The following UNC13C variants were observed in gnomAD, a reference collection of about 807,000 sequenced individuals.
UNC13C encodes the protein protein unc-13 homolog C.
A neutral mutation model predicts 245.4 loss-of-function variants in UNC13C; 174 were observed. The observed-to-expected ratio is 0.71, with a 90% CI of 0.63 to 0.80. The LOEUF is 0.80. Among genes scored for constraint, UNC13C ranks in the 30% least tolerant of loss-of-function variants. The pLI is 0.00. For synonymous variants in UNC13C, 992 were observed against 895.1 expected, an observed-to-expected ratio of 1.11 and a Z score of -1.93; for missense variants, 2,829 against 2,602.9, an observed-to-expected ratio of 1.09 and a Z score of -1.89.
At position 54,322,092 on chromosome 15, in the gene UNC13C, T is replaced by C. The variant is rs2038177204; in HGVS notation, c.4422T>C (p.Phe1474=). 1.9e-6 allele frequency: 3 copies of C among 1,563,214 alleles called. No individual in the cohort carries two copies. Among genetic ancestry groups the C allele is most frequent in the Non-Finnish European group, 2.6e-6 (3 of 1,155,298 alleles). ...SASDRFAATN[F]GREKFIKLLD... Reference sequence around the variant, plus strand: ...CAGATCGATTTGCTGCTACCAACTTTGGTGTAAGTATAATTTTTTAAACTT... The same window carrying C: ...CAGATCGATTTGCTGCTACCAACTTCGGTGTAAGTATAATTTTTTAAACTT... Residue 1474 remains phenylalanine, a synonymous_variant, in exon 14 of 33, where the codon TTT becomes TTC. Transcript: ENST00000260323.
chr15:54,322,973 T>A (rs1292649851), intron 14 of UNC13C, among the ~76,000 whole-genome samples: 1 of 150,890 alleles, frequency 6.6e-6, no homozygotes, highest in Non-Finnish European at 1.5e-5. Flanking sequence ...GCAGTAGCGC[T>A]GTTCAGTAAT....
chr15:53,975,636 T>C (rs981717081), upstream of UNC13C, among the ~76,000 whole-genome samples: 1 of 152,158 alleles, frequency 6.6e-6, no homozygotes, highest in African/African-American at 2.4e-5. Context: ...CCCCTTTACT[T>C]GATTCTTTTG....
the UNC13C span, among the ~76,000 whole-genome samples, chr15:53,883,160 T>C: frequency 6.6e-6 from 1 of 152,240 alleles, no homozygotes; most frequent in Middle Eastern, 3.4e-3. Context: ...AATCAGCAAT[T>C]GAATTTTTTT....
At chr15:54,565,350 AAG>A (rs1267457097) in intron 29 of UNC13C, among the ~76,000 whole-genome samples, 2 of 151,972 alleles carry the variant, frequency 1.3e-5, no homozygotes, top group Non-Finnish European at 2.9e-5. Context: ...TATTAAAGAA[AAG>A]AGGGAGAAAA....
intron 17 of UNC13C, among the ~76,000 whole-genome samples, chr15:54,345,134 A>G (rs1219451373): frequency 6.6e-6 from 1 of 152,186 alleles, no homozygotes; most frequent in Non-Finnish European, 1.5e-5. Context: ...CTGGAGAGCC[A>G]ATGAAGAGTT....
chr15:53,986,560 T>A (rs538432877), intron 1 of UNC13C, among the ~76,000 whole-genome samples: 18 of 152,078 alleles, frequency 1.2e-4, no homozygotes, highest in Admixed American at 7.2e-4. Context: ...GTACAGAAGA[T>A]ATGAAAAAAT....
At chr15:54,197,462 C>CAAA (rs111328266) in intron 4 of UNC13C, among the ~76,000 whole-genome samples, 7 of 134,746 alleles carry the variant, frequency 5.2e-5, no homozygotes, top group African/African-American at 1.9e-4. Flanking sequence ...GACTCCATCT[C>CAAA]AAAAAAAAAA....
At chr15:54,462,576 G>C (rs1287095634) in intron 19 of UNC13C, among the ~76,000 whole-genome samples, 1 of 152,248 alleles carries the variant, frequency 6.6e-6, no homozygotes, top group African/African-American at 2.4e-5. Context: ...CGGCCCCGGG[G>C]AGTGAGGGGC....
At chr15:53,883,597 G>A in the UNC13C span, among the ~76,000 whole-genome samples, 3 of 152,216 alleles carry the variant, frequency 2.0e-5, no homozygotes, top group Non-Finnish European at 2.9e-5. Context: ...AATGACAGAT[G>A]TTGGTTCCTT....
chr15:54,413,453 G>T (rs2040454080), intron 18 of UNC13C, among the ~76,000 whole-genome samples: 1 of 152,010 alleles, frequency 6.6e-6, no homozygotes, highest in African/African-American at 2.4e-5. Context: ...TAGTATTTAT[G>T]CTCAAATGAA....
chr15:54,247,285 C>T lies in UNC13C; in HGVS notation c.3229-2940C>T, dbSNP rs142939823. ...TGCCATGCTTTTATTTAATGCTTCT[C>T]GCTCTTTTCACCTTATTCCACACAA... On this transcript the variant is annotated intron_variant, in intron 7 of 32. Transcript: ENST00000260323. Among the ~76,000 whole-genome samples, 454 of 152,154 alleles carry T rather than the reference C, an allele frequency of 3.0e-3. 3 individuals are homozygous for T. The highest frequency in any genetic ancestry group is 6.4e-3 in the East Asian group (33 of 5,164).
chr15:54,213,447 A>G (rs1003768707), intron 4 of UNC13C, among the ~76,000 whole-genome samples: 1 of 152,016 alleles, frequency 6.6e-6, no homozygotes. Flanking sequence ...TGTGTATTAT[A>G]AAAGGAATAA....
rs531569202 is a variant in UNC13C, at chr15:54,334,950, C to T, written c.4584+1094C>T. On this transcript the variant is annotated intron_variant, in intron 16 of 32. Transcript: ENST00000260323. ...AACTATTCTTCCCCAACCCTCACTA[C>T]CAGTTGATTACTTTGCTTCCTATTT... Among the ~76,000 whole-genome samples, 59 of 152,072 alleles carry T rather than the reference C, an allele frequency of 3.9e-4. No individual in the cohort carries two copies. The South Asian group carries it at 0.011, about 29-fold the overall frequency.
At chr15:54,140,171 G>A (rs2031946631) in intron 2 of UNC13C, among the ~76,000 whole-genome samples, 1 of 151,924 alleles carries the variant, frequency 6.6e-6, no homozygotes, top group Non-Finnish European at 1.5e-5. Flanking sequence ...ACTTAAAATT[G>A]GTAAAATTTC....
chr15:54,108,442 C>T lies in UNC13C; in HGVS notation c.2984-34576C>T, dbSNP rs142755337. Among the ~76,000 whole-genome samples, 970 of 152,242 alleles carry T rather than the reference C, an allele frequency of 6.4e-3. 15 individuals are homozygous for T. Among genetic ancestry groups the T allele is most frequent in the Non-Finnish European group, 7.1e-3 (485 of 68,022 alleles). ...GACCTCATGATCCGCCCGCTTTGGC[C>T]TCTCAAAGTGCTGGGATTACAGGCT... On this transcript the variant is annotated intron_variant, in intron 2 of 32. Coordinates refer to ENST00000260323, the MANE Select transcript of UNC13C (RefSeq NM_001080534.3).
At chr15:54,391,129 G>A (rs1663985930) in intron 17 of UNC13C, among the ~76,000 whole-genome samples, 1 of 152,046 alleles carries the variant, frequency 6.6e-6, no homozygotes, top group Admixed American at 6.6e-5. Context: ...TTGCAAAAAT[G>A]ATAAGTGGCT....
At chr15:54,507,301 A>C in intron 23 of UNC13C, 107 bp downstream of exon 23, 1 of 713,498 alleles carries the variant, frequency 1.4e-6, no homozygotes, top group South Asian at 2.0e-5. Flanking sequence ...CACATAGGAT[A>C]ATAAGAAATA....
rs982291927 is a variant in UNC13C, at chr15:54,331,938, T to C, written c.4426-105T>C. The C allele has an allele frequency of 4.3e-6, 3 of 689,868 alleles. No individual in the cohort carries two copies. The East Asian group carries it at 9.1e-5, about 21-fold the overall frequency. 42.7% of individuals were successfully genotyped at this position (689,868 alleles called of 1,614,324 possible). A position where few individuals can be genotyped will look rare whatever the true frequency, so the allele number is the denominator to read the frequency against. Reference sequence around the variant, plus strand: ...GATCTTGGACAAGTCATTGATATATTTGATCCTTCCTTTCTATAAAATAGA... The same window carrying C: ...GATCTTGGACAAGTCATTGATATATCTGATCCTTCCTTTCTATAAAATAGA... On this transcript the variant is annotated intron_variant, in intron 14 of 32. Transcript: ENST00000260323.
chr15:53,936,411 CTG>C, the UNC13C span, among the ~76,000 whole-genome samples: 2 of 152,118 alleles, frequency 1.3e-5, no homozygotes, highest in Non-Finnish European at 2.9e-5. Context: ...GGGGCAGCCA[CTG>C]TATCTGCAGT....
Sources: gnomAD v4.1 joint callset for allele counts (sites outside exome capture counted in the v4.1 genomes callset) on GRCh38, gnomAD v4.1.1 for gene constraint, MANE v1.5 for transcripts, NCBI Gene and HGNC (gene_info 2026-07-23, HGNC 2026-07-21) for gene names.